DIDO1: variants seen among roughly 807,000 people sequenced by gnomAD.
DIDO1 encodes the protein death inducer-obliterator 1, also known as death-inducer obliterator 1.
In DIDO1, 16 loss-of-function variants were observed where a neutral mutation model predicts 99.4. That is an observed-to-expected ratio of 0.16 (90% CI 0.11 to 0.24). The LOEUF (loss-of-function observed/expected upper bound fraction) is 0.24. Among genes scored for constraint, DIDO1 ranks in the 10% least tolerant of loss-of-function variants. DIDO1 has a pLI of 1.00. For missense variants in DIDO1, 2,996 were observed against 3,014.0 expected (o/e 0.99, Z 0.14); for synonymous variants, 1,366 against 1,239.1 (o/e 1.10, Z -2.15).
chr20:62,933,038 C>T (rs1288468398), intron 1 of DIDO1, among the ~76,000 whole-genome samples: 1 of 152,194 alleles, frequency 6.6e-6, no homozygotes, highest in African/African-American at 2.4e-5. Context: ...CATGAAGAAA[C>T]CCCATCTCTA....
chr20:62,881,854 C>T lies in DIDO1; in HGVS notation c.4102G>A (p.Gly1368Ser), dbSNP rs775321335. 1 of 1,613,548 alleles carries T rather than the reference C, an allele frequency of 6.2e-7. No individual in the cohort carries two copies. The highest frequency in any genetic ancestry group is 8.5e-7 in the Non-Finnish European group (1 of 1,180,008). Residue 1368 changes from glycine to serine, a missense_variant, in exon 16 of 16, where the codon GGT (glycine) becomes AGT (serine). Coordinates refer to ENST00000395343, the MANE Select transcript of DIDO1 (RefSeq NM_001193369.2). This position sits in a 1 kb window ranked among gnomAD's most constrained non-coding sequence, Gnocchi z 8.3. ...AGAGCCTTATCTTTTGAGAACTGAC[C>T]GAACTGCTGGACGATCGGATCTAAC... ...PLLDPIVQQF[G>S]QFSKDKALEE...
At chr20:62,906,128 T>C (rs1297627491) in intron 5 of DIDO1, 28 bp from the exon 6 acceptor site, 2 of 1,590,130 alleles carry the variant, frequency 1.3e-6, no homozygotes, top group South Asian at 1.1e-5. Flanking sequence ...CCCCAAATCA[T>C]TAAAAAGGTA....
At chr20:62,909,588 C>A (rs1191835222) in intron 4 of DIDO1, 111 bp downstream of exon 4, 1 of 1,339,188 alleles carries the variant, frequency 7.5e-7, no homozygotes. Flanking sequence ...CCGGGAGAGG[C>A]ACCGCCCCAC....
chr20:62,924,110 A>C (rs1266034869), intron 1 of DIDO1, among the ~76,000 whole-genome samples: 1 of 152,256 alleles, frequency 6.6e-6, no homozygotes, highest in Non-Finnish European at 1.5e-5. Flanking sequence ...CATTTCCATT[A>C]ACTGTTAATT....
At chr20:62,915,547 G>C (rs900851082) in intron 1 of DIDO1, among the ~76,000 whole-genome samples, 1 of 152,152 alleles carries the variant, frequency 6.6e-6, no homozygotes, top group Non-Finnish European at 1.5e-5. Context: ...GGAGTGCAGT[G>C]GCCCAATCAT....
chr20:62,896,551 T>C lies in DIDO1; in HGVS notation c.2034A>G (p.Leu678=), dbSNP rs2064528000. The C allele has an allele frequency of 6.3e-7, 1 of 1,589,488 alleles. No individual in the cohort carries two copies. The highest frequency in any genetic ancestry group is 2.2e-5 in the East Asian group (1 of 44,602). Residue 678 remains leucine (L), a synonymous_variant, in exon 7 of 16, where the codon TTA becomes TTG. Coordinates refer to ENST00000395343, the MANE Select transcript of DIDO1 (RefSeq NM_001193369.2). This position sits in a 1 kb window ranked among gnomAD's most constrained non-coding sequence, Gnocchi z 4.4. ...SQIRQNIRRS[L]KEILWKRVND... ...CCCACCTTTTCCACAAAATCTCTTT[T>C]AAGGAGCGTCTGATATTTTGCCGAA...
chr20:62,892,148 A>C, intron 13 of DIDO1, 72 bp from the exon 14 acceptor site: 1 of 1,288,764 alleles, frequency 7.8e-7, no homozygotes, highest in Non-Finnish European at 1.1e-6. Context: ...CAGCCATGTG[A>C]AGGCACACAC....
Position 62,894,298 on chromosome 20 carries a change from C to G in DIDO1, c.2573-104G>C, listed in dbSNP as rs957801887. On this transcript the variant is annotated intron_variant, in intron 11 of 15. Transcript: ENST00000395343. The surrounding 1 kb of genome is among the most constrained non-coding windows in gnomAD (Gnocchi z 4.4). ...TCTAAAGGCAGGGCAGGAAATCATT[C>G]TGGCCCTTCTGCGTGTTTAAGCTTA... 3 of 1,571,984 alleles carry G rather than the reference C, an allele frequency of 1.9e-6. No homozygotes were observed. The highest frequency in any genetic ancestry group is 2.7e-5 in the African/African-American group (2 of 73,804).
Position 62,911,511 on chromosome 20 carries a change from G to C in DIDO1, c.102C>G (p.Ile34Met). The stretch of plus-strand genomic sequence containing the variant: ...CGTCCCCTGCGCCCTCTCGCTTGGC[G>C]ATAGTGGTCCTTCGAAAACCCCATG... The part of the protein sequence containing the change: ...RKTWGFRRTT[I>M]AKREGAGDAE... The change falls in exon 3 of 16, where the codon ATC becomes ATG. Residue 34 changes from isoleucine to methionine, a missense_variant. Ile to Met is a conservative substitution (Grantham distance 10). Coordinates refer to ENST00000395343, the MANE Select transcript of DIDO1 (RefSeq NM_001193369.2). This position sits in a 1 kb window ranked among gnomAD's most constrained non-coding sequence, Gnocchi z 7.0. 1.2e-6 allele frequency: 2 copies of C among 1,612,418 alleles called. No homozygotes were observed. Among genetic ancestry groups the C allele is most frequent in the Non-Finnish European group, 1.7e-6 (2 of 1,179,238 alleles).
At position 62,879,050 on chromosome 20, in the gene DIDO1, T is replaced by A. The variant is rs933178926; in HGVS notation, c.*183A>T. On this transcript the variant is annotated 3_prime_UTR_variant, in exon 16 of 16. Coordinates refer to ENST00000395343, the MANE Select transcript of DIDO1 (RefSeq NM_001193369.2). The surrounding 1 kb of genome is among the most constrained non-coding windows in gnomAD (Gnocchi z 6.3). ...TGGAAATATTAAAGTTTAGTTTTTT[T>A]AAAAAAGCATCAGAATTGTAAAGAT... 8.2e-5 allele frequency: 43 copies of A among 527,322 alleles called. No individual in the cohort carries two copies. Among genetic ancestry groups the A allele is most frequent in the African/African-American group, 2.8e-4 (14 of 50,480 alleles). 32.7% of individuals were successfully genotyped at this position (527,322 alleles called of 1,614,324 possible).
rs2064953607 is a variant in DIDO1, at chr20:62,911,960, G to C, written c.-2-346C>G. On this transcript the variant is annotated intron_variant, in intron 2 of 15. Transcript: ENST00000395343. The surrounding 1 kb of genome is among the most constrained non-coding windows in gnomAD (Gnocchi z 7.0). ...TATAGCAGGGTAAGGATGTGAGTAA[G>C]GACGTGAGCAAGGACGCGAGCAGCT... 6.6e-6 allele frequency among the ~76,000 whole-genome samples: 1 copy of C among 152,222 alleles called. No individual in the cohort carries two copies. The highest frequency in any genetic ancestry group is 6.5e-5 in the Admixed American group (1 of 15,282).
chr20:62,907,460 T>C, intron 4 of DIDO1, 101 bp from the exon 5 acceptor site: 1 of 1,124,070 alleles, frequency 8.9e-7, no homozygotes, highest in East Asian at 2.4e-5. Flanking sequence ...AAGGCCACAG[T>C]TTCAAAATGA....
rs2064393162 is a variant in DIDO1 at position 62,891,311 on chromosome 20, G to A, written c.3346-156C>T. On this transcript the variant is annotated intron_variant, in intron 14 of 15. Coordinates refer to ENST00000395343, the MANE Select transcript of DIDO1 (RefSeq NM_001193369.2). ...GCTGTCTCAGTGAGGCAATTCACGT[G>A]ACATGTGAGCCCAGCAGTGTCTGGA... Among the ~76,000 whole-genome samples the A allele has an allele frequency of 1.3e-5, 2 of 152,196 alleles. 1 individual carries two copies. The highest frequency in any genetic ancestry group is 1.3e-4 in the Admixed American group (2 of 15,290).
At position 62,909,653 on chromosome 20, in the gene DIDO1, A is replaced by G. The variant is rs763092907; in HGVS notation, c.1161+46T>C. 5.0e-6 allele frequency: 8 copies of G among 1,596,774 alleles called. No homozygotes were observed. The African/African-American group carries it at 1.1e-4, about 21-fold the overall frequency. ...TTCTATCTAGAGCGAGACTGAAACC[A>G]GTGAGGCCGACTGCTGAATGCTCGT... is the stretch of plus-strand genomic sequence containing the variant. On this transcript the variant is annotated intron_variant, in intron 4 of 15. Transcript: ENST00000395343.
At chr20:62,913,883 A>G (rs1158822166) in intron 2 of DIDO1, among the ~76,000 whole-genome samples, 3 of 152,248 alleles carry the variant, frequency 2.0e-5, no homozygotes, top group Non-Finnish European at 4.4e-5. Context: ...GACCTATGCA[A>G]AACCTCTCAA....
chr20:62,927,896 T>G (rs774654698), upstream of DIDO1, among the ~76,000 whole-genome samples: 2 of 152,194 alleles, frequency 1.3e-5, no homozygotes, highest in East Asian at 3.8e-4. Context: ...TGATCTCAGG[T>G]TGCAAAGAGG....
chr20:62,936,698 T>C (rs2065389204), intron 1 of DIDO1, among the ~76,000 whole-genome samples: 1 of 151,318 alleles, frequency 6.6e-6, no homozygotes, highest in African/African-American at 2.4e-5. Flanking sequence ...ACCCCGTCTC[T>C]ACTAAAAATA....
In DIDO1 at chr20:62,879,636, C is replaced by A. The variant is rs1600894119; in HGVS notation, c.6320G>T (p.Gly2107Val). The part of the protein sequence containing the change: ...EKPLEEPDAQ[G>V]RASEDRRRER... ...TCTCCTCCTGTCCTCGGACGCCCGG[C>A]CCTGGGCGTCGGGCTCCTCCAGCGG... Residue 2107 changes from glycine (G) to valine (V), a missense_variant, in exon 16 of 16, where the codon GGC (glycine) becomes GTC (valine). Physicochemically the swap from Gly to Val is moderately radical, Grantham distance 109. Coordinates refer to ENST00000395343, the MANE Select transcript of DIDO1 (RefSeq NM_001193369.2). The surrounding 1 kb of genome is among the most constrained non-coding windows in gnomAD (Gnocchi z 6.3). The A allele has an allele frequency of 6.2e-7, 1 of 1,606,432 alleles. No homozygotes were observed.
Position 62,894,457 on chromosome 20 carries a change from T to G in DIDO1, c.2528A>C (p.Gln843Pro). Residue 843 changes from glutamine to proline, a missense_variant, in exon 11 of 16, where the codon CAG (glutamine) becomes CCG (proline). Gln to Pro is a moderately conservative substitution (Grantham distance 76). Around this residue, in one of 5 missense-constraint regions of DIDO1, gnomAD observed 898 missense variants for 972.7 expected, o/e 0.92. Coordinates refer to ENST00000395343, the MANE Select transcript of DIDO1 (RefSeq NM_001193369.2). This position sits in a 1 kb window ranked among gnomAD's most constrained non-coding sequence, Gnocchi z 4.4. ...GAGATCGAAGAGGTGTGCGCGGTGC[T>G]GACTGGTGGTGTCTTTCAACATGCT... ...FSSMLKDTTSQHRAHLFDLNC... is the reference protein window; with the variant it reads ...FSSMLKDTTSPHRAHLFDLNC... 1 of 1,613,588 alleles carries G rather than the reference T, an allele frequency of 6.2e-7. No homozygotes were observed. Among genetic ancestry groups the G allele is most frequent in the Non-Finnish European group, 8.5e-7 (1 of 1,180,024 alleles).
Sources: allele counts gnomAD v4.1 joint callset (sites outside exome capture counted in the v4.1 genomes callset), GRCh38; gene constraint gnomAD v4.1.1; regional missense constraint gnomAD v4.1.1; non-coding constraint Gnocchi (gnomAD v3.1); transcripts MANE v1.5; gene names NCBI Gene and HGNC (gene_info 2026-07-23, HGNC 2026-07-21).